Variants in NRG1 observed in about 807,000 individuals in gnomAD.
NRG1 encodes neuregulin 1, also known as pro-neuregulin-1, membrane-bound isoform.
In NRG1, 18 loss-of-function variants were observed where a neutral mutation model predicts 63.8. The ratio of observed to expected loss-of-function variants is 0.28; its 90% CI spans 0.19 to 0.42. The LOEUF is 0.42. NRG1 is among the 10% of genes least tolerant of loss of function. The pLI is 1.00. For missense variants in NRG1, 762 were observed against 814.7 expected (o/e 0.94, Z 0.79); for synonymous variants, 302 against 301.3 (o/e 1.00, Z -0.02).
At chr8:32,760,574 C>T in intron 11 of NRG1, 168 bp downstream of exon 11, 1 of 1,427,526 alleles carries the variant, frequency 7.0e-7, no homozygotes, top group South Asian at 1.5e-5. Context: ...TTTGACGGAA[C>T]TTATTTCTTC....
intron 1 of NRG1, among the ~76,000 whole-genome samples, chr8:32,005,106 G>A (rs1327384638): frequency 6.6e-6 from 1 of 151,568 alleles, no homozygotes; most frequent in African/African-American, 2.4e-5. Context: ...AAAAAGGGAA[G>A]GGAGGAAGAA....
chr8:32,646,915 G>C, intron 5 of NRG1: 1 of 984,998 alleles, frequency 1.0e-6, no homozygotes, highest in African/African-American at 1.7e-5. Context: ...GGAGGAAAGA[G>C]AGAGAGGAGA....
At chr8:32,396,271 C>T (rs1812426846) in intron 1 of NRG1, among the ~76,000 whole-genome samples, 1 of 152,068 alleles carries the variant, frequency 6.6e-6, no homozygotes, top group South Asian at 2.1e-4. Flanking sequence ...AAATAAAGTT[C>T]TTTAGAATTT....
chr8:32,464,285 C>A (rs1563499704), intron 1 of NRG1, among the ~76,000 whole-genome samples: 2 of 132,930 alleles, frequency 1.5e-5, no homozygotes, highest in Admixed American at 7.6e-5. Flanking sequence ...CCCCACCCCC[C>A]CCCACCCCAC....
chr8:31,730,856 A>G (rs1252418756), intron 1 of NRG1, among the ~76,000 whole-genome samples: 6 of 152,198 alleles, frequency 3.9e-5, no homozygotes, highest in African/African-American at 1.4e-4. Context: ...TAAACTTGGA[A>G]CATGTATTCT....
chr8:31,672,659 GT>G (rs1807274119), intron 1 of NRG1, among the ~76,000 whole-genome samples: 1 of 151,970 alleles, frequency 6.6e-6, no homozygotes, highest in South Asian at 2.1e-4. Flanking sequence ...TGATTTTTTT[GT>G]CATATAACCT....
At chr8:32,049,935 C>T (rs764202097) in intron 1 of NRG1, among the ~76,000 whole-genome samples, 6 of 152,088 alleles carry the variant, frequency 3.9e-5, no homozygotes, top group Non-Finnish European at 8.8e-5. Context: ...AAAGCTTACC[C>T]ACCCTAATAT....
At chr8:32,614,805 AG>A (rs1847041761) in intron 4 of NRG1, among the ~76,000 whole-genome samples, 1 of 152,098 alleles carries the variant, frequency 6.6e-6, no homozygotes, top group Admixed American at 6.6e-5. Flanking sequence ...ATCTATATCT[AG>A]GTGCAACTTA....
intron 1 of NRG1, among the ~76,000 whole-genome samples, chr8:32,571,499 G>T (rs150520556): frequency 6.6e-6 from 1 of 152,044 alleles, no homozygotes; most frequent in East Asian, 1.9e-4. Context: ...TTCCTGCTTG[G>T]GTCCTGTCTC....
intron 1 of NRG1, among the ~76,000 whole-genome samples, chr8:32,559,245 T>TAAAAA (rs545838945): frequency 1.0e-5 from 1 of 96,770 alleles, no homozygotes; most frequent in Non-Finnish European, 2.0e-5. Context: ...CTCTAAAATG[T>TAAAAA]AAAAAAAAAA....
At chr8:32,733,501 G>T (rs1036939708) in intron 6 of NRG1, among the ~76,000 whole-genome samples, 3 of 152,088 alleles carry the variant, frequency 2.0e-5, no homozygotes, top group Non-Finnish European at 4.4e-5. Flanking sequence ...ATCAAATTAT[G>T]CCTGAGGTCG....
intron 3 of NRG1, among the ~76,000 whole-genome samples, chr8:32,606,911 G>C (rs1451778574): frequency 6.6e-6 from 1 of 152,104 alleles, no homozygotes; most frequent in East Asian, 1.9e-4. Flanking sequence ...AACATACTAA[G>C]AAAGTGAGAA....
intron 7 of NRG1, 83 bp from the exon 8 acceptor site, chr8:32,754,289 T>G: frequency 4.4e-6 from 5 of 1,124,354 alleles, no homozygotes; most frequent in Non-Finnish European, 5.4e-6. Flanking sequence ...GACAATGTCA[T>G]GCAGCATGCC....
At chr8:31,785,743 A>T (rs540031406) in intron 1 of NRG1, among the ~76,000 whole-genome samples, 1 of 152,216 alleles carries the variant, frequency 6.6e-6, no homozygotes, top group Non-Finnish European at 1.5e-5. Context: ...TAACTTAAAC[A>T]TGGAAGAAAA....
intron 1 of NRG1, among the ~76,000 whole-genome samples, chr8:31,803,888 T>C (rs1822030851): frequency 6.6e-6 from 1 of 152,186 alleles, no homozygotes; most frequent in African/African-American, 2.4e-5. Context: ...CACATTTCCA[T>C]CTCAGGGCCT....
chr8:31,711,276 C>G (rs1041317366), intron 1 of NRG1, among the ~76,000 whole-genome samples: 2 of 152,174 alleles, frequency 1.3e-5, no homozygotes, highest in South Asian at 4.1e-4. Flanking sequence ...CTACTACTGT[C>G]GTCAAGAAAG....
chr8:31,846,375 C>T (rs907302148), intron 1 of NRG1, among the ~76,000 whole-genome samples: 14 of 152,162 alleles, frequency 9.2e-5, no homozygotes, highest in African/African-American at 2.9e-4. Flanking sequence ...CAGTTTATCA[C>T]GAGCGCTATT....
intron 1 of NRG1, among the ~76,000 whole-genome samples, chr8:32,445,001 G>A (rs574440985): frequency 3.3e-5 from 5 of 152,172 alleles, no homozygotes; most frequent in African/African-American, 9.6e-5. Flanking sequence ...AGAATTTGGG[G>A]AGGAAAGTAG....
chr8:32,282,708 C>A (rs1853019192), intron 1 of NRG1, among the ~76,000 whole-genome samples: 1 of 152,114 alleles, frequency 6.6e-6, no homozygotes, highest in Admixed American at 6.5e-5. Flanking sequence ...GGTTGCTTAA[C>A]CCTTAAAGAT....
Sources: allele counts gnomAD v4.1 joint callset (sites outside exome capture counted in the v4.1 genomes callset), GRCh38; gene constraint gnomAD v4.1.1; transcripts MANE v1.5; gene names NCBI Gene and HGNC (gene_info 2026-07-23, HGNC 2026-07-21).